SYNE1: variants seen among roughly 807,000 people sequenced by gnomAD.
SYNE1 encodes nesprin-1.
A neutral mutation model predicts 1,111.0 loss-of-function variants in SYNE1; 616 were observed. The observed-to-expected ratio is 0.55, with a 90% CI of 0.52 to 0.59. SYNE1 has a LOEUF of 0.59. Among genes scored for constraint, SYNE1 ranks in the 20% least tolerant of loss-of-function variants. The probability of loss-of-function intolerance (pLI) is 0.00; values close to 1 mark genes in which losing one functional copy is unlikely to be tolerated. For missense variants in SYNE1, 10,006 were observed against 10,417.0 expected (o/e 0.96, Z 1.72); for synonymous variants, 3,855 against 3,825.8 (o/e 1.01, Z -0.28).
rs1205283103 is a variant in SYNE1 at position 152,510,276 on chromosome 6, T to C, written c.498A>G (p.Pro166=). The C allele has an allele frequency of 6.2e-7, 1 of 1,614,138 alleles. No homozygotes were observed. The change falls in exon 8 of 146, where the codon CCA becomes CCG. Residue 166 remains proline (P), a synonymous_variant. Transcript: ENST00000367255. ...TGGTGGTCACCTTCCGTTTACTTGG[T>C]GGGCTGGGAGTCTCAGAGCTAACTA... ...DSIVSSETPS[P]PSKRKVTTKI...
rs373399693 is a variant in SYNE1, at chr6:152,239,864, G to A, written c.19894-158C>T. Among the ~76,000 whole-genome samples, 22 of 152,302 alleles carry A rather than the reference G, an allele frequency of 1.4e-4. No individual in the cohort carries two copies. In the South Asian group the frequency reaches 3.1e-3, roughly 22 times the overall value. On this transcript the variant is annotated intron_variant, in intron 107 of 145. Coordinates refer to ENST00000367255, the MANE Select transcript of SYNE1 (RefSeq NM_182961.4). ...ACCTGAGGTCAAGAGCTCAAGACCA[G>A]CCTGGCCAATGTGGTGGAATCCGTT...
chr6:152,231,006 G>A (rs1277879394), intron 114 of SYNE1, among the ~76,000 whole-genome samples: 1 of 152,064 alleles, frequency 6.6e-6, no homozygotes, highest in Non-Finnish European at 1.5e-5. Context: ...ATTTGTGTTG[G>A]GCTGCATTCA....
intron 91 of SYNE1, 101 bp downstream of exon 91, chr6:152,308,388 C>T: frequency 6.5e-7 from 1 of 1,543,260 alleles, no homozygotes; most frequent in Admixed American, 1.7e-5. Context: ...ACATTAAGTG[C>T]AGGACAGGGG....
Position 152,283,981 on chromosome 6 carries a change from C to T in SYNE1, c.18204G>A (p.Leu6068=). 2 of 1,614,052 alleles carry T rather than the reference C, an allele frequency of 1.2e-6. No homozygotes were observed. Among genetic ancestry groups the T allele is most frequent in the Non-Finnish European group, 1.7e-6 (2 of 1,179,932 alleles). ...RMKASGKRQL[L]EEKLNDQLEE... is the part of the protein sequence containing the mutation. ...CCACTTTACAGTTATTGGTTACCTCCAAAAGCTGCCGTTTCCCCGAGGCTT... is the reference window on the plus strand; with the variant it reads ...CCACTTTACAGTTATTGGTTACCTCTAAAAGCTGCCGTTTCCCCGAGGCTT... Residue 6068 remains leucine (L), a synonymous_variant, in exon 96 of 146, where the codon TTG becomes TTA. Coordinates refer to ENST00000367255, the MANE Select transcript of SYNE1 (RefSeq NM_182961.4).
intron 104 of SYNE1, among the ~76,000 whole-genome samples, chr6:152,254,135 C>A (rs560772415): frequency 6.6e-6 from 1 of 150,504 alleles, no homozygotes; most frequent in Non-Finnish European, 1.5e-5. Flanking sequence ...TGGAAAGTAA[C>A]GTAACACATT....
intron 73 of SYNE1, 84 bp downstream of exon 73, chr6:152,346,975 C>T (rs1246032223): frequency 2.7e-6 from 4 of 1,507,172 alleles, no homozygotes; most frequent in South Asian, 2.5e-5. Context: ...ATTTGAGCAT[C>T]GATTCTATTT....
chr6:152,515,191 C>T (rs1248545765), intron 6 of SYNE1, among the ~76,000 whole-genome samples: 1 of 148,746 alleles, frequency 6.7e-6, no homozygotes, highest in African/African-American at 2.5e-5. Flanking sequence ...CTCTGCACTC[C>T]AGCCTGGGTG....
In SYNE1 at chr6:152,628,423, T is replaced by A. The variant is rs1173365323; in HGVS notation, c.-92A>T. On this transcript the variant is annotated 5_prime_UTR_variant, in exon 3 of 146. Transcript: ENST00000367255. ...ACTCTAGAAAACATGCTTGGACTTT[T>A]CTAGATCTATTCTGTCATAAATGAA... 2.9e-5 allele frequency: 37 copies of A among 1,263,528 alleles called. No individual in the cohort carries two copies. The East Asian group carries it at 7.2e-4, about 24-fold the overall frequency. The allele number at this position is 1,263,528 out of a possible 1,614,324, so 78.3% of individuals were successfully genotyped here. A position where few individuals can be genotyped will look rare whatever the true frequency, so the allele number is the denominator to read the frequency against.
rs1200496438 is a variant in SYNE1 at position 152,416,689 on chromosome 6, A to T, written c.5748T>A (p.Ala1916=). Residue 1916 remains alanine (A), a synonymous_variant, in exon 41 of 146, where the codon GCT becomes GCA. Transcript: ENST00000367255. The part of the protein sequence containing the change: ...EKDLNDALQN[A]KALESAAVSL... ...TGACGGCAGCAGATTCTAATGCTTT[A>T]GCATTTTGAAGAGCATCATTGAGGT... 1 of 1,614,228 alleles carries T rather than the reference A, an allele frequency of 6.2e-7. No individual in the cohort carries two copies. The highest frequency in any genetic ancestry group is 8.5e-7 in the Non-Finnish European group (1 of 1,180,044).
intron 91 of SYNE1, among the ~76,000 whole-genome samples, chr6:152,302,485 A>C (rs2095230359): frequency 6.6e-6 from 1 of 152,230 alleles, no homozygotes; most frequent in South Asian, 2.1e-4. Flanking sequence ...ACACCAAAAA[A>C]AATGCAAGGC....
chr6:152,531,752 C>T (rs989260916), intron 4 of SYNE1, among the ~76,000 whole-genome samples: 45 of 152,330 alleles, frequency 3.0e-4, no homozygotes, highest in African/African-American at 1.1e-3. Context: ...CACACAGTAT[C>T]TGTCATTTTG....
rs775112631 is a variant in SYNE1 at position 152,236,340 on chromosome 6, A to G, written c.20200-37T>C. On this transcript the variant is annotated intron_variant, in intron 109 of 145. Transcript: ENST00000367255. ...AAATTATTGAGTTAAAAGTTTGGAT[A>G]TGCAATTTTTGTCTTTAAGAATTAT... 3.3e-6 allele frequency: 5 copies of G among 1,505,896 alleles called. No homozygotes were observed. In the South Asian group the frequency reaches 4.6e-5, roughly 14 times the overall value. The allele number at this position is 1,505,896 out of a possible 1,614,324, so 93.3% of individuals were successfully genotyped here.
At chr6:152,557,745 A>C (rs114383974) in intron 3 of SYNE1, among the ~76,000 whole-genome samples, 224 of 152,318 alleles carry the variant, frequency 1.5e-3, no homozygotes, top group African/African-American at 5.0e-3. Context: ...AAGGAGTGAT[A>C]AAGACCTTCC....
intron 29 of SYNE1, among the ~76,000 whole-genome samples, chr6:152,445,438 A>G (rs1413105434): frequency 6.6e-6 from 1 of 151,918 alleles, no homozygotes; most frequent in African/African-American, 2.4e-5. Flanking sequence ...TTTTACCAAC[A>G]TCCTTTGTTT....
chr6:152,321,941 A>G, intron 82 of SYNE1, 55 bp from the exon 83 acceptor site: 1 of 1,599,534 alleles, frequency 6.3e-7, no homozygotes, highest in Non-Finnish European at 8.6e-7. Flanking sequence ...ACCCCCTAAT[A>G]CTTGGCAACA....
At chr6:152,606,122 T>C (rs1395897423) in intron 3 of SYNE1, among the ~76,000 whole-genome samples, 1 of 152,176 alleles carries the variant, frequency 6.6e-6, no homozygotes, top group African/African-American at 2.4e-5. Flanking sequence ...AGCCACAGTT[T>C]GTTGTCTGTA....
intron 104 of SYNE1, among the ~76,000 whole-genome samples, chr6:152,251,826 C>G (rs146328761): frequency 2.0e-5 from 3 of 152,088 alleles, no homozygotes; most frequent in Non-Finnish European, 4.4e-5. Flanking sequence ...ATTACACTTG[C>G]GATACAACAG....
At chr6:152,209,055 C>T (rs776870906) in intron 124 of SYNE1, among the ~76,000 whole-genome samples, 9 of 152,028 alleles carry the variant, frequency 5.9e-5, no homozygotes, top group Non-Finnish European at 1.2e-4. Flanking sequence ...GAGTCTGTCC[C>T]GCATGAAACA....
rs754571768 is a variant in SYNE1 at position 152,143,804 on chromosome 6, A to T, written c.24977-39T>A. The T allele has an allele frequency of 1.9e-6, 3 of 1,613,914 alleles. No individual in the cohort carries two copies. The South Asian group carries it at 3.3e-5, about 18-fold the overall frequency. On this transcript the variant is annotated intron_variant, in intron 137 of 145. Coordinates refer to ENST00000367255, the MANE Select transcript of SYNE1 (RefSeq NM_182961.4). ...CATAAGAATCTTTACTGGACAAACT[A>T]TTTGACTTATTTAAAGCTTGATATT...
Sources: gnomAD v4.1 joint callset for allele counts (sites outside exome capture counted in the v4.1 genomes callset) on GRCh38, gnomAD v4.1.1 for gene constraint, MANE v1.5 for transcripts, NCBI Gene and HGNC (gene_info 2026-07-23, HGNC 2026-07-21) for gene names.